IL4R: variants seen among roughly 807,000 people sequenced by gnomAD.
IL4R encodes interleukin-4 receptor subunit alpha.
A neutral mutation model predicts 41.5 loss-of-function variants in IL4R; 17 were observed. That is an observed-to-expected ratio of 0.41 (90% CI 0.28 to 0.61). The LOEUF (loss-of-function observed/expected upper bound fraction) is 0.61. Ranked by LOEUF, IL4R falls within the 20% of genes least tolerant of loss-of-function variation. IL4R has a pLI of 0.31. For synonymous variants in IL4R, 402 were observed against 422.9 expected (o/e 0.95, Z 0.61); for missense variants, 974 against 1,043.1 (o/e 0.93, Z 0.91).
intron 1 of IL4R, among the ~76,000 whole-genome samples, chr16:27,314,634 C>T (rs1161375514): frequency 6.6e-6 from 1 of 152,180 alleles, no homozygotes; most frequent in Non-Finnish European, 1.5e-5. Flanking sequence ...GCTTTAGTAA[C>T]TTGCCCTAAG....
At chr16:27,340,141 C>A in intron 2 of IL4R, 45 bp from the exon 3 acceptor site, 1 of 1,307,296 alleles carries the variant, frequency 7.6e-7, no homozygotes, top group Non-Finnish European at 1.1e-6. Flanking sequence ...ATGAGCTCTG[C>A]TGGAAGCACA....
chr16:27,350,021 G>T (rs1217806466), intron 6 of IL4R, among the ~76,000 whole-genome samples: 1 of 152,136 alleles, frequency 6.6e-6, no homozygotes, highest in Non-Finnish European at 1.5e-5. Flanking sequence ...AAGGTGCTGG[G>T]ATTACAGGCT....
chr16:27,340,806 T>A (rs1596811263), intron 3 of IL4R, among the ~76,000 whole-genome samples: 2 of 151,504 alleles, frequency 1.3e-5, no homozygotes, highest in Non-Finnish European at 2.9e-5. Flanking sequence ...GGGATTGCAG[T>A]TGAAAGTAGG....
chr16:27,323,303 C>T (rs2084865681), intron 1 of IL4R, among the ~76,000 whole-genome samples: 1 of 152,250 alleles, frequency 6.6e-6, no homozygotes, highest in South Asian at 2.1e-4. Flanking sequence ...TGCTCCGTCA[C>T]CATCACCTCG....
At position 27,355,891 on chromosome 16, in the gene IL4R, T is replaced by C; in HGVS notation, c.754T>C (p.Tyr252His). 6.2e-7 allele frequency: 1 copy of C among 1,612,934 alleles called. No individual in the cohort carries two copies. Among genetic ancestry groups the C allele is most frequent in the East Asian group, 2.2e-5 (1 of 44,866 alleles). Residue 252 changes from tyrosine (Y) to histidine (H), a missense_variant, in exon 8 of 11, where the codon TAT becomes CAT. Tyr to His is a moderately conservative substitution (Grantham distance 83). Around this residue, in one of 3 missense-constraint regions of IL4R, gnomAD observed 8 missense variants for 25.4 expected, o/e 0.32. Coordinates refer to ENST00000395762, the MANE Select transcript of IL4R (RefSeq NM_000418.4). ...IVILAVCLLC[Y>H]VSITKIKKEW... ...CATCCTGGCCGTCTGCCTGTTGTGC[T>C]ATGTCAGCATCACCAAGTGAGTCCT...
chr16:27,352,609 A>G lies in IL4R; in HGVS notation c.583A>G (p.Ile195Val). The change falls in exon 7 of 11, where the codon ATT becomes GTT. Residue 195 changes from isoleucine (I) to valine (V), a missense_variant. Ile to Val is a conservative substitution (Grantham distance 29). Coordinates refer to ENST00000395762, the MANE Select transcript of IL4R (RefSeq NM_000418.4). ...RIAASTLKSGISYRARVRAWA... is the reference protein window; with the variant it reads ...RIAASTLKSGVSYRARVRAWA... ...CGCAGCCAGCACCCTGAAGTCTGGG[A>G]TTTCCTACAGGGCACGGGTGAGGGC... The G allele has an allele frequency of 6.2e-7, 1 of 1,614,110 alleles. No homozygotes were observed. Among genetic ancestry groups the G allele is most frequent in the South Asian group, 1.1e-5 (1 of 91,080 alleles).
chr16:27,325,753 C>T (rs566066250), intron 1 of IL4R, among the ~76,000 whole-genome samples: 55 of 152,146 alleles, frequency 3.6e-4, no homozygotes, highest in African/African-American at 1.3e-3. Flanking sequence ...GTATGTCGGG[C>T]CCCTCCCCGA....
In IL4R at chr16:27,342,934, G is replaced by A. The variant is rs536194519; in HGVS notation, c.209+675G>A. Among the ~76,000 whole-genome samples the A allele has an allele frequency of 1.3e-4, 20 of 152,266 alleles. No individual in the cohort carries two copies. In the South Asian group the frequency reaches 3.9e-3, roughly 30 times the overall value. ...GAGAGAGAGTGAAAAGGCAAATAAC[G>A]TCCCTGTATTATGATGAAAAGAGTT... On this transcript the variant is annotated intron_variant, in intron 4 of 10. Coordinates refer to ENST00000395762, the MANE Select transcript of IL4R (RefSeq NM_000418.4).
At position 27,355,885 on chromosome 16, in the gene IL4R, T is replaced by C; in HGVS notation, c.748T>C (p.Leu250=). Residue 250 remains leucine (L), a synonymous_variant, in exon 8 of 11, where the codon TTG becomes CTG. Coordinates refer to ENST00000395762, the MANE Select transcript of IL4R (RefSeq NM_000418.4). ...SCIVILAVCL[L]CYVSITKIKK... ...CATTGTCATCCTGGCCGTCTGCCTGTTGTGCTATGTCAGCATCACCAAGTG... is the reference window on the plus strand; with the variant it reads ...CATTGTCATCCTGGCCGTCTGCCTGCTGTGCTATGTCAGCATCACCAAGTG... 1 of 1,613,326 alleles carries C rather than the reference T, an allele frequency of 6.2e-7. No homozygotes were observed. The highest frequency in any genetic ancestry group is 8.5e-7 in the Non-Finnish European group (1 of 1,179,740).
At chr16:27,352,790 T>C (rs1397295791) in intron 7 of IL4R, 94 bp downstream of exon 7, 1 of 1,276,644 alleles carries the variant, frequency 7.8e-7, no homozygotes, top group Non-Finnish European at 1.1e-6. Context: ...TGGGCTTTTA[T>C]ATCATAGGAT....
At chr16:27,344,562 G>A (rs1482724161) in intron 4 of IL4R, among the ~76,000 whole-genome samples, 1 of 152,170 alleles carries the variant, frequency 6.6e-6, no homozygotes, top group Admixed American at 6.5e-5. Context: ...ATTAATTAGT[G>A]CCACCGGTTC....
chr16:27,333,656 A>G (rs940371177), intron 2 of IL4R, among the ~76,000 whole-genome samples: 6 of 152,102 alleles, frequency 3.9e-5, no homozygotes, highest in Admixed American at 3.3e-4. Flanking sequence ...GTGCTGGGCA[A>G]GCAGGGATTT....
At chr16:27,343,159 A>G (rs2085498639) in intron 4 of IL4R, among the ~76,000 whole-genome samples, 1 of 152,196 alleles carries the variant, frequency 6.6e-6, no homozygotes, top group South Asian at 2.1e-4. Flanking sequence ...CACGTACACA[A>G]GACACACAGT....
chr16:27,330,552 T>C (rs2085085760), intron 2 of IL4R, among the ~76,000 whole-genome samples: 1 of 152,142 alleles, frequency 6.6e-6, no homozygotes, highest in Non-Finnish European at 1.5e-5. Context: ...CCCGATTTAC[T>C]TGTACTCATT....
At chr16:27,329,289 C>T (rs2085047798) in intron 1 of IL4R, among the ~76,000 whole-genome samples, 1 of 152,218 alleles carries the variant, frequency 6.6e-6, no homozygotes, top group South Asian at 2.1e-4. Flanking sequence ...CCAATTAAAC[C>T]TCTTTTCTTT....
At chr16:27,322,525 G>C (rs2084844008) in intron 1 of IL4R, among the ~76,000 whole-genome samples, 1 of 152,024 alleles carries the variant, frequency 6.6e-6, no homozygotes, top group African/African-American at 2.4e-5. Context: ...AGCCTGGGCA[G>C]CATAGTGAGA....
chr16:27,342,373 T>C, intron 4 of IL4R, 114 bp downstream of exon 4: 2 of 1,318,634 alleles, frequency 1.5e-6, no homozygotes, highest in South Asian at 1.3e-5. Context: ...TATGGTTTGC[T>C]GCTGTTTATA....
At chr16:27,328,264 G>C (rs1026034296) in intron 1 of IL4R, among the ~76,000 whole-genome samples, 19 of 133,758 alleles carry the variant, frequency 1.4e-4, no homozygotes, top group Non-Finnish European at 2.5e-4. Context: ...TTTTTTTTGA[G>C]ACAGAACTTT....
intron 2 of IL4R, among the ~76,000 whole-genome samples, chr16:27,337,799 G>T (rs1394561816): frequency 6.6e-6 from 1 of 151,484 alleles, no homozygotes; most frequent in African/African-American, 2.4e-5. Flanking sequence ...GGCCAGGCTG[G>T]TTGTGAACTC....
Sources: allele counts gnomAD v4.1 joint callset (sites outside exome capture counted in the v4.1 genomes callset), GRCh38; gene constraint gnomAD v4.1.1; regional missense constraint gnomAD v4.1.1; transcripts MANE v1.5; gene names NCBI Gene and HGNC (gene_info 2026-07-23, HGNC 2026-07-21).